Variants in SWT1 observed in about 807,000 individuals in gnomAD.
SWT1 encodes the protein SWT1 RNA endoribonuclease homolog, also known as transcriptional protein SWT1.
In SWT1, 33 loss-of-function variants were observed where a neutral mutation model predicts 107.3. The ratio of observed to expected loss-of-function variants is 0.31; its 90% CI spans 0.23 to 0.41. The LOEUF (loss-of-function observed/expected upper bound fraction) is 0.41, where lower values mean the gene tolerates loss of function less well. SWT1 is among the 10% of genes least tolerant of loss of function. The pLI, the probability that SWT1 is intolerant of heterozygous loss-of-function variation, is 1.00. For synonymous variants in SWT1, 345 were observed against 348.3 expected (o/e 0.99, Z 0.11); for missense variants, 898 against 1,028.9 (o/e 0.87, Z 1.74).
In SWT1 at chr1:185,247,179, G is replaced by T. The variant is rs75730243; in HGVS notation, c.2441+15471G>T. Among the ~76,000 whole-genome samples the T allele has an allele frequency of 8.1e-4, 124 of 152,252 alleles. 1 individual carries two copies. The East Asian group carries it at 0.023, about 28-fold the overall frequency. On this transcript the variant is annotated intron_variant, in intron 16 of 18. Transcript: ENST00000367500. The stretch of plus-strand genomic sequence containing the variant: ...TAACCAGACATATGTAAAATGCAGT[G>T]CCTTGAAGAACATTGAAAGCCAATA...
intron 4 of SWT1, chr1:185,171,778 C>T: frequency 7.8e-6 from 3 of 385,246 alleles, no homozygotes; most frequent in Non-Finnish European, 1.0e-5. Context: ...GTGGCACAGT[C>T]TCGGCTCACT....
intron 14 of SWT1, among the ~76,000 whole-genome samples, chr1:185,218,054 T>C (rs2102513907): frequency 6.6e-6 from 1 of 152,374 alleles, no homozygotes; most frequent in Middle Eastern, 3.4e-3. Flanking sequence ...GGTTGGGGAC[T>C]GATGCTTTAA....
intron 16 of SWT1, among the ~76,000 whole-genome samples, chr1:185,270,577 G>A (rs187330326): frequency 7.2e-4 from 109 of 152,082 alleles, no homozygotes; most frequent in African/African-American, 2.3e-3. Context: ...ACTTGGTGGC[G>A]CTTGCCTTGT....
intron 16 of SWT1, among the ~76,000 whole-genome samples, chr1:185,253,349 A>G (rs1662204498): frequency 6.6e-6 from 1 of 151,566 alleles, no homozygotes; most frequent in Non-Finnish European, 1.5e-5. Context: ...TGGGGATGGC[A>G]TTGAATCTGT....
intron 16 of SWT1, among the ~76,000 whole-genome samples, chr1:185,257,071 G>A (rs1571636434): frequency 6.6e-6 from 1 of 152,228 alleles, no homozygotes; most frequent in East Asian, 1.9e-4. Context: ...CTGCTGGGGG[G>A]TGCCTCCCAG....
rs375713878 is a variant in SWT1 at position 185,174,544 on chromosome 1, A to G, written c.397A>G (p.Lys133Glu). Residue 133 changes from lysine (K) to glutamate (E), a missense_variant, in exon 5 of 19, where the codon AAA becomes GAA. Lys to Glu is a moderately conservative substitution (Grantham distance 56). Transcript: ENST00000367500. ...DIHKCVDFKP[K>E]DIKLTNAGSK... ...ACATAAATGTGTAGACTTTAAACCT[A>G]AAGATATCAAATTGACAAATGCTGG... 4.4e-6 allele frequency: 7 copies of G among 1,607,948 alleles called. No individual in the cohort carries two copies. The African/African-American group carries it at 8.1e-5, about 18-fold the overall frequency.
chr1:185,276,213 ATTAGT>A (rs911623870), intron 17 of SWT1, among the ~76,000 whole-genome samples: 3 of 152,170 alleles, frequency 2.0e-5, no homozygotes, highest in Non-Finnish European at 2.9e-5. Flanking sequence ...ACTTAAACCT[ATTAGT>A]TTAAACATGT....
At chr1:185,227,935 T>A (rs1003207621) in intron 15 of SWT1, among the ~76,000 whole-genome samples, 3 of 147,774 alleles carry the variant, frequency 2.0e-5, no homozygotes, top group South Asian at 2.2e-4. Context: ...ACAAAAAAAA[T>A]TAAAAATTAG....
intron 11 of SWT1, among the ~76,000 whole-genome samples, chr1:185,203,939 G>T (rs1658096661): frequency 6.6e-6 from 1 of 152,118 alleles, no homozygotes; most frequent in African/African-American, 2.4e-5. Flanking sequence ...TTTTTCAAGG[G>T]TAGTGTGCCT....
At chr1:185,246,574 G>T (rs1250699568) in intron 16 of SWT1, among the ~76,000 whole-genome samples, 1 of 147,904 alleles carries the variant, frequency 6.8e-6, no homozygotes. Context: ...ACAGCACCTG[G>T]CCATATCCTT....
At chr1:185,213,493 G>A (rs1172275461) in intron 13 of SWT1, among the ~76,000 whole-genome samples, 1 of 152,170 alleles carries the variant, frequency 6.6e-6, no homozygotes, top group Non-Finnish European at 1.5e-5. Flanking sequence ...TTAAGATATA[G>A]TTTTTATTTC....
chr1:185,257,182 A>G (rs1227538068), intron 16 of SWT1, among the ~76,000 whole-genome samples: 1 of 152,116 alleles, frequency 6.6e-6, no homozygotes, highest in Non-Finnish European at 1.5e-5. Context: ...TGCTCTCTTC[A>G]AAGCTGTCAG....
chr1:185,281,600 C>T, intron 18 of SWT1: 1 of 214,828 alleles, frequency 4.7e-6, no homozygotes, highest in Non-Finnish European at 9.6e-6. Flanking sequence ...CAAGGCCTTT[C>T]ACCTGAAGAC....
At chr1:185,229,958 A>G (rs980960054) in intron 15 of SWT1, among the ~76,000 whole-genome samples, 2 of 152,180 alleles carry the variant, frequency 1.3e-5, no homozygotes, top group Non-Finnish European at 2.9e-5. Context: ...TAACCGCTCA[A>G]TGGATTCAGT....
intron 9 of SWT1, among the ~76,000 whole-genome samples, chr1:185,186,171 C>T (rs1656448257): frequency 6.6e-6 from 1 of 152,058 alleles, no homozygotes; most frequent in South Asian, 2.1e-4. Context: ...TCAGAATAGG[C>T]AGTAATTCTC....
intron 8 of SWT1, among the ~76,000 whole-genome samples, 182 bp downstream of exon 8, chr1:185,184,526 C>G (rs1040636169): frequency 1.3e-5 from 2 of 152,106 alleles, no homozygotes; most frequent in African/African-American, 4.8e-5. Context: ...TGAACTCACT[C>G]TTTTTTTGAT....
chr1:185,204,718 A>G lies in SWT1; in HGVS notation c.1688A>G (p.Glu563Gly). 6.3e-7 allele frequency: 1 copy of G among 1,579,020 alleles called. No homozygotes were observed. Among genetic ancestry groups the G allele is most frequent in the East Asian group, 2.3e-5 (1 of 42,846 alleles). ...TTTAAAGAAACAACACCCTTGAAAG[A>G]GAGCTATAAGGAGGAATCTACAAAT... ...QLKAETTPLK[E>G]SYKEESTNSG... Residue 563 changes from glutamate (E) to glycine (G), a missense_variant, in exon 12 of 19, where the codon GAG becomes GGG. By Grantham distance (98) the Glu-to-Gly change is moderately conservative (BLOSUM62 -2). Around this residue, in one of 6 missense-constraint regions of SWT1, gnomAD observed 382 missense variants for 460.0 expected, o/e 0.83. Transcript: ENST00000367500.
chr1:185,286,189 CTTATTTA>C (rs1191297239), intron 18 of SWT1, among the ~76,000 whole-genome samples: 2 of 152,010 alleles, frequency 1.3e-5, no homozygotes, highest in Non-Finnish European at 2.9e-5. Flanking sequence ...TGCTTTTTCT[CTTATTTA>C]GATATTCTTT....
intron 16 of SWT1, among the ~76,000 whole-genome samples, chr1:185,254,406 T>G (rs1328655310): frequency 7.8e-6 from 1 of 128,492 alleles, no homozygotes; most frequent in Non-Finnish European, 1.6e-5. Flanking sequence ...ATCCATCTGG[T>G]CCTGGACTCC....
Sources: allele counts gnomAD v4.1 joint callset (sites outside exome capture counted in the v4.1 genomes callset), GRCh38; gene constraint gnomAD v4.1.1; regional missense constraint gnomAD v4.1.1; transcripts MANE v1.5; gene names NCBI Gene and HGNC (gene_info 2026-07-23, HGNC 2026-07-21).